The following ATXN1 variants were observed in gnomAD, a reference collection of about 807,000 sequenced individuals.
ATXN1 encodes the protein ataxin 1.
In ATXN1, 8 loss-of-function variants were observed where a neutral mutation model predicts 56.4. That is an observed-to-expected ratio of 0.14 (90% CI 0.08 to 0.26). The LOEUF (loss-of-function observed/expected upper bound fraction) is 0.26, where lower values mean the gene tolerates loss of function less well. Among genes scored for constraint, ATXN1 ranks in the 10% least tolerant of loss-of-function variants. The pLI, the probability that ATXN1 is intolerant of heterozygous loss-of-function variation, is 1.00. For missense variants in ATXN1, 987 were observed against 1,106.5 expected (o/e 0.89, Z 1.53); for synonymous variants, 514 against 494.6 (o/e 1.04, Z -0.52).
rs118017239 is a variant in ATXN1 at position 16,316,166 on chromosome 6, G to T, written c.1918-9307C>A. ...GAGCGTGAACCCTATTGTAAACTGC[G>T]CATGCAAGGAATCCAGGTTGTGCAC... On this transcript the variant is annotated intron_variant, in intron 7 of 7. Coordinates refer to ENST00000436367, the MANE Select transcript of ATXN1 (RefSeq NM_001128164.2). 1.2e-3 allele frequency among the ~76,000 whole-genome samples: 179 copies of T among 152,274 alleles called. 4 individuals are homozygous for T. In the East Asian group the frequency reaches 0.029, roughly 25 times the overall value.
At chr6:16,307,486 T>G (rs1760277550) in intron 7 of ATXN1, among the ~76,000 whole-genome samples, 1 of 151,468 alleles carries the variant, frequency 6.6e-6, no homozygotes. Context: ...CTGGCCAACA[T>G]GGGGAAACCC....
intron 6 of ATXN1, among the ~76,000 whole-genome samples, chr6:16,389,031 T>C (rs1208164087): frequency 3.3e-5 from 5 of 152,196 alleles, no homozygotes; most frequent in African/African-American, 1.2e-4. Context: ...GAGCACTATG[T>C]GCCTAAATTA....
intron 2 of ATXN1, among the ~76,000 whole-genome samples, chr6:16,748,819 CAGAG>C (rs1760621235): frequency 6.6e-6 from 1 of 151,942 alleles, no homozygotes; most frequent in Non-Finnish European, 1.5e-5. Flanking sequence ...TTGGGCTACA[CAGAG>C]AGCCCATCCT....
intron 6 of ATXN1, among the ~76,000 whole-genome samples, chr6:16,421,970 A>G (rs1561889623): frequency 6.6e-6 from 1 of 152,184 alleles, no homozygotes; most frequent in Non-Finnish European, 1.5e-5. Flanking sequence ...TGCATTTTTT[A>G]TTATATGCCA....
rs76694802 is a variant in ATXN1, at chr6:16,345,034, T to C, written c.-160-16564A>G. On this transcript the variant is annotated intron_variant, in intron 6 of 7. Coordinates refer to ENST00000436367, the MANE Select transcript of ATXN1 (RefSeq NM_001128164.2). ...TAGGGTGCTGTCCGTCCTTGGTTGG[T>C]TACTGTTCTTATCTTGTGTCCATCT... 4.5e-3 allele frequency among the ~76,000 whole-genome samples: 686 copies of C among 152,324 alleles called. 9 individuals are homozygous for C. Among genetic ancestry groups the C allele is most frequent in the African/African-American group, 0.015 (640 of 41,570 alleles).
intron 3 of ATXN1, among the ~76,000 whole-genome samples, chr6:16,597,611 T>C (rs181642882): frequency 6.6e-6 from 1 of 152,258 alleles, no homozygotes; most frequent in East Asian, 1.9e-4. Context: ...GCTATTTTTT[T>C]GTATTTTCAG....
intron 4 of ATXN1, among the ~76,000 whole-genome samples, chr6:16,523,969 C>T (rs1318087118): frequency 6.6e-6 from 1 of 152,218 alleles, no homozygotes; most frequent in East Asian, 1.9e-4. Context: ...TTAAGAGAGG[C>T]TGTGAGGCAA....
chr6:16,720,490 G>C (rs945593908), intron 2 of ATXN1, among the ~76,000 whole-genome samples: 5 of 152,186 alleles, frequency 3.3e-5, no homozygotes, highest in Non-Finnish European at 5.9e-5. Context: ...GTATAAGAAT[G>C]AATAAATTAT....
intron 6 of ATXN1, among the ~76,000 whole-genome samples, chr6:16,435,404 TCCA>T (rs1259867203): frequency 1.3e-5 from 2 of 151,770 alleles, no homozygotes; most frequent in African/African-American, 4.8e-5. Context: ...CATGAGGAAC[TCCA>T]ACACTTAGAG....
intron 6 of ATXN1, among the ~76,000 whole-genome samples, chr6:16,398,232 A>G (rs1758494498): frequency 6.6e-6 from 1 of 152,206 alleles, no homozygotes; most frequent in Non-Finnish European, 1.5e-5. Context: ...GGCAGAAATT[A>G]CATCCCCACT....
At chr6:16,638,914 T>C (rs1402893781) in intron 3 of ATXN1, among the ~76,000 whole-genome samples, 1 of 152,216 alleles carries the variant, frequency 6.6e-6, no homozygotes, top group African/African-American at 2.4e-5. Context: ...TATAATTAAA[T>C]GCAGAAGTGG....
chr6:16,416,623 G>C (rs1467198960), intron 6 of ATXN1, among the ~76,000 whole-genome samples: 4 of 152,088 alleles, frequency 2.6e-5, no homozygotes, highest in Non-Finnish European at 5.9e-5. Flanking sequence ...TTATTTCATA[G>C]GGAGATGTTT....
At position 16,425,677 on chromosome 6, in the gene ATXN1, C is replaced by T. The variant is rs151139197; in HGVS notation, c.-161+60295G>A. The stretch of plus-strand genomic sequence containing the variant: ...TTCCTAAGTTCTCATGCTATCCCAC[C>T]TCCTGCTTGTGTTACTCACTATTCA... On this transcript the variant is annotated intron_variant, in intron 6 of 7. Coordinates refer to ENST00000436367, the MANE Select transcript of ATXN1 (RefSeq NM_001128164.2). 2.8e-3 allele frequency among the ~76,000 whole-genome samples: 430 copies of T among 152,192 alleles called. 3 individuals are homozygous for T. Among genetic ancestry groups the T allele is most frequent in the African/African-American group, 9.7e-3 (403 of 41,528 alleles).
chr6:16,418,552 T>C (rs980473463), intron 6 of ATXN1, among the ~76,000 whole-genome samples: 1 of 152,236 alleles, frequency 6.6e-6, no homozygotes, highest in Middle Eastern at 3.4e-3. Context: ...ACTCCTTTTT[T>C]TTATTTTATT....
chr6:16,358,655 G>C (rs1261024406), intron 6 of ATXN1, among the ~76,000 whole-genome samples: 2 of 152,308 alleles, frequency 1.3e-5, no homozygotes, highest in Middle Eastern at 3.4e-3. Flanking sequence ...TGTTCATTCC[G>C]AGTTGGGATG....
chr6:16,451,444 G>A (rs1255585879), intron 6 of ATXN1, among the ~76,000 whole-genome samples: 2 of 151,718 alleles, frequency 1.3e-5, no homozygotes, highest in Non-Finnish European at 2.9e-5. Flanking sequence ...CAGCCTGGGC[G>A]ACAGAGCGAG....
chr6:16,436,118 A>C (rs908720181), intron 6 of ATXN1, among the ~76,000 whole-genome samples: 3 of 151,986 alleles, frequency 2.0e-5, no homozygotes, highest in Non-Finnish European at 4.4e-5. Context: ...GCCTGGACTC[A>C]AACTCCTGAC....
At chr6:16,356,000 C>T (rs1019135708) in intron 6 of ATXN1, among the ~76,000 whole-genome samples, 1 of 152,250 alleles carries the variant, frequency 6.6e-6, no homozygotes, top group Non-Finnish European at 1.5e-5. Flanking sequence ...ATTGGTTGGG[C>T]TCGTTCCTTC....
At chr6:16,603,143 A>C (rs1762942367) in intron 3 of ATXN1, among the ~76,000 whole-genome samples, 2 of 152,132 alleles carry the variant, frequency 1.3e-5, no homozygotes, top group African/African-American at 4.8e-5. Flanking sequence ...CCTCACTGGG[A>C]CCTGGGACAG....
Sources: gnomAD v4.1 joint callset for allele counts (sites outside exome capture counted in the v4.1 genomes callset) on GRCh38, gnomAD v4.1.1 for gene constraint, MANE v1.5 for transcripts, NCBI Gene and HGNC (gene_info 2026-07-23, HGNC 2026-07-21) for gene names.